FBN2: variants seen among roughly 807,000 people sequenced by gnomAD.
FBN2 encodes fibrillin-2.
Under a neutral mutation model 355.6 loss-of-function variants are expected in FBN2, and 105 were observed. The ratio of observed to expected loss-of-function variants is 0.30; its 90% CI spans 0.25 to 0.35. The LOEUF (loss-of-function observed/expected upper bound fraction) is 0.35. FBN2 is among the 10% of genes least tolerant of loss of function. The pLI, the probability that FBN2 is intolerant of heterozygous loss-of-function variation, is 1.00. For synonymous variants in FBN2, 1,350 were observed against 1,301.2 expected, an observed-to-expected ratio of 1.04 and a Z score of -0.81; for missense variants, 3,280 against 3,758.7, an observed-to-expected ratio of 0.87 and a Z score of 3.33.
At chr5:128,514,978 C>T (rs1357086331) in intron 5 of FBN2, among the ~76,000 whole-genome samples, 2 of 152,154 alleles carry the variant, frequency 1.3e-5, no homozygotes, top group African/African-American at 2.4e-5. Context: ...CCCTATATTC[C>T]TGGTCATACT....
chr5:128,441,659 CAGAGTCAGGCAAGAAAA>C (rs1237668964), intron 7 of FBN2, among the ~76,000 whole-genome samples: 6 of 152,122 alleles, frequency 3.9e-5, no homozygotes, highest in Non-Finnish European at 7.3e-5. Context: ...ATCCTGCTGG[CAGAGTCAGGCAAGAAAA>C]ATAGTTCAGA....
intron 7 of FBN2, among the ~76,000 whole-genome samples, chr5:128,431,433 A>C (rs756604281): frequency 3.0e-4 from 45 of 152,132 alleles, no homozygotes; most frequent in Non-Finnish European, 5.6e-4. Flanking sequence ...CTACCCACAA[A>C]TTTCGTGCTT....
chr5:128,321,373 C>A (rs1750369213), intron 34 of FBN2, among the ~76,000 whole-genome samples: 5 of 152,026 alleles, frequency 3.3e-5, no homozygotes, highest in Admixed American at 3.3e-4. Flanking sequence ...TGTATGTGTG[C>A]CATGGTGGTT....
At chr5:128,481,546 G>A (rs926513320) in intron 5 of FBN2, among the ~76,000 whole-genome samples, 2 of 152,110 alleles carry the variant, frequency 1.3e-5, no homozygotes, top group African/African-American at 4.8e-5. Context: ...AGAAACCCCA[G>A]TTGAGTGTCC....
intron 15 of FBN2, 134 bp downstream of exon 15, chr5:128,374,494 T>A: frequency 8.1e-7 from 1 of 1,232,744 alleles, no homozygotes; most frequent in South Asian, 1.3e-5. Context: ...CTTAGCATAA[T>A]CTTTCCAAGG....
intron 25 of FBN2, among the ~76,000 whole-genome samples, 156 bp downstream of exon 25, chr5:128,344,229 C>T (rs941386662): frequency 4.6e-5 from 7 of 151,744 alleles, no homozygotes; most frequent in African/African-American, 9.7e-5. Flanking sequence ...CCAGCCTGGG[C>T]GACTAAGTGA....
Position 128,301,306 on chromosome 5 carries a change from G to A in FBN2, c.6046+76C>T, listed in dbSNP as rs1749709165. 3.2e-6 allele frequency: 4 copies of A among 1,269,826 alleles called. No individual in the cohort carries two copies. The Admixed American group carries it at 6.8e-5, about 22-fold the overall frequency. 78.7% of individuals were successfully genotyped at this position (1,269,826 alleles called of 1,614,324 possible). A position where few individuals can be genotyped will look rare whatever the true frequency, so the allele number is the denominator to read the frequency against. On this transcript the variant is annotated intron_variant, in intron 47 of 64. Coordinates refer to ENST00000262464, the MANE Select transcript of FBN2 (RefSeq NM_001999.4). The stretch of plus-strand genomic sequence containing the variant: ...AAATGAAATATTAATGAGTTCTTAA[G>A]TGAAAGGAGGGAGGCACATATCATC...
intron 5 of FBN2, among the ~76,000 whole-genome samples, chr5:128,494,552 T>G (rs1755601651): frequency 6.6e-6 from 1 of 152,004 alleles, no homozygotes; most frequent in Non-Finnish European, 1.5e-5. Context: ...AAAAAACAAT[T>G]AAGAAATCAG....
intron 3 of FBN2, 45 bp downstream of exon 3, chr5:128,530,550 A>G: frequency 7.5e-7 from 1 of 1,326,618 alleles, no homozygotes; most frequent in Non-Finnish European, 1.1e-6. Flanking sequence ...TTTGCTCCAA[A>G]GCTTAAGAAA....
Position 128,347,825 on chromosome 5 carries a change from C to G in FBN2, c.2989+1522G>C, listed in dbSNP as rs1319354445. Among the ~76,000 whole-genome samples, 3 of 151,638 alleles carry G rather than the reference C, an allele frequency of 2.0e-5. No homozygotes were observed. The East Asian group carries it at 5.8e-4, about 29-fold the overall frequency. On this transcript the variant is annotated intron_variant, in intron 23 of 64. Transcript: ENST00000262464. ...ACAGAGCCTCACTCTGTTGCCAAGG[C>G]TAGGGTATAGTGGTGCGACCTCGGC...
intron 55 of FBN2, among the ~76,000 whole-genome samples, chr5:128,285,074 T>C (rs1749106758): frequency 6.6e-6 from 1 of 152,222 alleles, no homozygotes; most frequent in Non-Finnish European, 1.5e-5. Context: ...AGGCATAATA[T>C]ATTGCATAGT....
At chr5:128,396,170 G>C (rs1752644746) in intron 8 of FBN2, among the ~76,000 whole-genome samples, 1 of 152,148 alleles carries the variant, frequency 6.6e-6, no homozygotes, top group South Asian at 2.1e-4. Flanking sequence ...ATGGAAGAAA[G>C]AGAGTCTTAG....
At chr5:128,450,721 T>C (rs1269636855) in intron 6 of FBN2, among the ~76,000 whole-genome samples, 1 of 152,034 alleles carries the variant, frequency 6.6e-6, no homozygotes, top group Non-Finnish European at 1.5e-5. Context: ...AATCAATTAC[T>C]ATAAAACCTG....
chr5:128,302,149 A>G (rs549675993), intron 46 of FBN2, among the ~76,000 whole-genome samples: 8 of 152,340 alleles, frequency 5.3e-5, no homozygotes, highest in African/African-American at 1.9e-4. Context: ...TGAAAAATAA[A>G]GAAAACAGAG....
At chr5:128,272,149 G>A in intron 61 of FBN2, 31 bp from the exon 62 acceptor site, 2 of 1,613,352 alleles carry the variant, frequency 1.2e-6, no homozygotes, top group Non-Finnish European at 1.7e-6. Context: ...AAACCTTTAT[G>A]TCACCTTTCT....
In FBN2 at chr5:128,263,532, G is replaced by A. The variant is rs765452930; in HGVS notation, c.8085C>T (p.Asp2695=). ...SFDQFSSACH[D]VNECSSSKNP... ...TCTTGGAGGACGAGCACTCATTCAC[G>A]TCGTGGCAGGCACTGGAGAACTGGT... Residue 2695 remains aspartate, a synonymous_variant, in exon 63 of 65, where the codon GAC becomes GAT. Transcript: ENST00000262464. 25 of 1,613,982 alleles carry A rather than the reference G, an allele frequency of 1.5e-5. No homozygotes were observed. The African/African-American group carries it at 1.7e-4, about 11-fold the overall frequency.
intron 15 of FBN2, among the ~76,000 whole-genome samples, chr5:128,370,191 A>G (rs1561422620): frequency 6.6e-6 from 1 of 152,190 alleles, no homozygotes; most frequent in Non-Finnish European, 1.5e-5. Context: ...CTACAACTTT[A>G]TAAGACAGTA....
At chr5:128,365,873 A>G (rs772018862) in intron 17 of FBN2, among the ~76,000 whole-genome samples, 3 of 151,840 alleles carry the variant, frequency 2.0e-5, no homozygotes, top group African/African-American at 2.4e-5. Flanking sequence ...TGAAAGCAAG[A>G]AAAATTTTAG....
intron 46 of FBN2, among the ~76,000 whole-genome samples, chr5:128,302,628 T>C (rs1040882445): frequency 6.6e-6 from 1 of 152,208 alleles, no homozygotes; most frequent in Non-Finnish European, 1.5e-5. Flanking sequence ...ATACTTGTAA[T>C]AACATTGAGA....
Sources: allele counts gnomAD v4.1 joint callset (sites outside exome capture counted in the v4.1 genomes callset), GRCh38; gene constraint gnomAD v4.1.1; transcripts MANE v1.5; gene names NCBI Gene and HGNC (gene_info 2026-07-23, HGNC 2026-07-21).